Variants in DCAF6 observed in about 807,000 individuals in gnomAD.
DCAF6 encodes DDB1 and CUL4 associated factor 6.
A neutral mutation model predicts 125.1 loss-of-function variants in DCAF6; 54 were observed. That is an observed-to-expected ratio of 0.43 (90% CI 0.35 to 0.54). DCAF6 has a LOEUF of 0.54. Among genes scored for constraint, DCAF6 ranks in the 20% least tolerant of loss-of-function variants. The pLI is 0.01. For synonymous variants in DCAF6, 371 were observed against 390.4 expected (o/e 0.95, Z 0.58); for missense variants, 934 against 1,161.7 (o/e 0.80, Z 2.85).
intron 3 of DCAF6, among the ~76,000 whole-genome samples, chr1:167,974,305 A>G (rs1052467128): frequency 6.6e-6 from 1 of 152,190 alleles, no homozygotes; most frequent in African/African-American, 2.4e-5. Flanking sequence ...AATTATACAA[A>G]TATTAAAATA....
At chr1:168,011,396 G>A (rs1250955862) in intron 10 of DCAF6, among the ~76,000 whole-genome samples, 1 of 152,066 alleles carries the variant, frequency 6.6e-6, no homozygotes, top group African/African-American at 2.4e-5. Flanking sequence ...GATTACAGGC[G>A]TGAGCCACTG....
At chr1:168,000,620 A>G (rs1682475018) in intron 7 of DCAF6, among the ~76,000 whole-genome samples, 1 of 152,168 alleles carries the variant, frequency 6.6e-6, no homozygotes, top group South Asian at 2.1e-4. Context: ...CAACCAATTG[A>G]CGAATGGATG....
At chr1:167,906,074 A>T in the DCAF6 span, among the ~76,000 whole-genome samples, 1 of 152,172 alleles carries the variant, frequency 6.6e-6, no homozygotes, top group Non-Finnish European at 1.5e-5. Context: ...GCAGAGAGGA[A>T]CTTGTTAGTA....
At chr1:168,014,676 T>A (rs1026214807) in intron 10 of DCAF6, among the ~76,000 whole-genome samples, 1 of 152,210 alleles carries the variant, frequency 6.6e-6, no homozygotes, top group Non-Finnish European at 1.5e-5. Flanking sequence ...AACTTTGGGA[T>A]CACTCTGCAT....
chr1:167,915,081 T>C, the DCAF6 span, among the ~76,000 whole-genome samples: 58 of 152,326 alleles, frequency 3.8e-4, no homozygotes, highest in African/African-American at 1.3e-3. Flanking sequence ...CAGGCTCCAG[T>C]AGAGACCTTT....
At chr1:167,873,127 G>A in the DCAF6 span, among the ~76,000 whole-genome samples, 1 of 152,072 alleles carries the variant, frequency 6.6e-6, no homozygotes, top group African/African-American at 2.4e-5. Flanking sequence ...GTCATGTTGG[G>A]TCTGCAATCT....
chr1:167,880,088 A>G, the DCAF6 span: 9 of 1,599,618 alleles, frequency 5.6e-6, no homozygotes, highest in Non-Finnish European at 7.7e-6. Context: ...GCAGAAAGAA[A>G]GCTGGAGATG....
intron 12 of DCAF6, among the ~76,000 whole-genome samples, chr1:168,037,878 G>A (rs796758521): frequency 2.0e-5 from 3 of 152,294 alleles, no homozygotes; most frequent in African/African-American, 7.2e-5. Flanking sequence ...TTATAGATCT[G>A]TGAGTTTGAA....
At chr1:168,017,870 G>A (rs1685184241) in intron 11 of DCAF6, among the ~76,000 whole-genome samples, 1 of 151,948 alleles carries the variant, frequency 6.6e-6, no homozygotes, top group South Asian at 2.1e-4. Context: ...TCATACTTTG[G>A]TATCTTTAGA....
intron 2 of DCAF6, among the ~76,000 whole-genome samples, chr1:167,959,152 T>G (rs1000439873): frequency 2.0e-5 from 3 of 152,230 alleles, no homozygotes; most frequent in Non-Finnish European, 4.4e-5. Context: ...CTTTTCAGAT[T>G]AGTTTTCTTT....
At chr1:167,931,319 A>G (rs1670903275), upstream of DCAF6, among the ~76,000 whole-genome samples, 1 of 152,224 alleles carries the variant, frequency 6.6e-6, no homozygotes, top group South Asian at 2.1e-4. Flanking sequence ...CCTGAGTGCC[A>G]GAACAGTGTC....
chr1:168,036,295 A>T (rs543135691), intron 12 of DCAF6, among the ~76,000 whole-genome samples: 1 of 152,182 alleles, frequency 6.6e-6, no homozygotes, highest in Non-Finnish European at 1.5e-5. Context: ...AAGTTTTCAT[A>T]TATCATTTAA....
At position 168,043,426 on chromosome 1, in the gene DCAF6, C is replaced by T. The variant is rs71632336; in HGVS notation, c.1843+286C>T. Among the ~76,000 whole-genome samples, 392 of 151,998 alleles carry T rather than the reference C, an allele frequency of 2.6e-3. 1 individual carries two copies. Among genetic ancestry groups the T allele is most frequent in the Non-Finnish European group, 4.5e-3 (304 of 67,938 alleles). The stretch of plus-strand genomic sequence containing the variant: ...GATATAAATGTTAGTTTGAATTAGT[C>T]TTTATCATTTTTATACCTAGCAATG... On this transcript the variant is annotated intron_variant, in intron 14 of 21. Coordinates refer to ENST00000367840, the MANE Select transcript of DCAF6 (RefSeq NM_001198956.2).
chr1:167,915,963 G>C, the DCAF6 span, among the ~76,000 whole-genome samples: 1 of 152,124 alleles, frequency 6.6e-6, no homozygotes, highest in Non-Finnish European at 1.5e-5. Flanking sequence ...GTCAGACTTG[G>C]CATTGAGAAA....
chr1:168,034,741 T>C, intron 12 of DCAF6, among the ~76,000 whole-genome samples: 1 of 152,232 alleles, frequency 6.6e-6, no homozygotes, highest in South Asian at 2.1e-4. Flanking sequence ...GTGTGTTTAC[T>C]TGAAGTTCTA....
At chr1:167,957,447 A>C (rs115447175) in intron 2 of DCAF6, among the ~76,000 whole-genome samples, 1 of 152,074 alleles carries the variant, frequency 6.6e-6, no homozygotes, top group African/African-American at 2.4e-5. Flanking sequence ...ATTCCTTTTT[A>C]TGATTGAATA....
At chr1:167,976,886 GTTTTTTTTTTTTTTTTTT>G (rs397981860) in intron 4 of DCAF6, among the ~76,000 whole-genome samples, 26 of 38,068 alleles carry the variant, frequency 6.8e-4, no homozygotes, top group Admixed American at 2.8e-3. Flanking sequence ...TCCTTTAGCA[GTTTTTTTTTTTTTTTTTT>G]TTTTTTTTTT....
the DCAF6 span, among the ~76,000 whole-genome samples, chr1:167,879,646 T>C: frequency 1.3e-5 from 2 of 152,172 alleles, no homozygotes; most frequent in Non-Finnish European, 2.9e-5. Context: ...GTATTTTAGA[T>C]GCATTATTGC....
chr1:167,924,518 G>GA, the DCAF6 span: 3 of 1,570,000 alleles, frequency 1.9e-6, no homozygotes, highest in Non-Finnish European at 1.7e-6. Flanking sequence ...TTGGAGCCCA[G>GA]AAGAAAACTG....
Sources: allele counts gnomAD v4.1 joint callset (sites outside exome capture counted in the v4.1 genomes callset), GRCh38; gene constraint gnomAD v4.1.1; transcripts MANE v1.5; gene names NCBI Gene and HGNC (gene_info 2026-07-23, HGNC 2026-07-21).